The following SBF2 variants were observed in gnomAD, a reference collection of about 807,000 sequenced individuals.
SBF2 encodes the protein myotubularin-related protein 13.
Under a neutral mutation model 225.2 loss-of-function variants are expected in SBF2, and 112 were observed. The observed-to-expected ratio is 0.50, with a 90% CI of 0.43 to 0.58. SBF2 has a LOEUF of 0.58. Among genes scored for constraint, SBF2 ranks in the 20% least tolerant of loss-of-function variants. SBF2 has a pLI of 0.00. For missense variants in SBF2, 1,996 were observed against 2,206.2 expected, an observed-to-expected ratio of 0.90 and a Z score of 1.91; for synonymous variants, 763 against 773.3, an observed-to-expected ratio of 0.99 and a Z score of 0.22.
At chr11:9,937,781 A>C (rs1864987264) in intron 16 of SBF2, among the ~76,000 whole-genome samples, 1 of 152,128 alleles carries the variant, frequency 6.6e-6, no homozygotes, top group East Asian at 1.9e-4. Context: ...GTATTAAATA[A>C]GTATGTAAAA....
chr11:9,959,052 G>A, intron 16 of SBF2: 1 of 1,491,468 alleles, frequency 6.7e-7, no homozygotes, highest in Non-Finnish European at 9.2e-7. Flanking sequence ...TGTTGGTATG[G>A]CAGCCTGCAC....
intron 17 of SBF2, among the ~76,000 whole-genome samples, chr11:9,890,638 A>G (rs537084511): frequency 1.3e-5 from 2 of 152,216 alleles, no homozygotes; most frequent in Non-Finnish European, 2.9e-5. Flanking sequence ...AACACAGGCT[A>G]TAAGGGTACC....
At chr11:10,068,824 A>G (rs747964259) in intron 2 of SBF2, among the ~76,000 whole-genome samples, 1 of 152,166 alleles carries the variant, frequency 6.6e-6, no homozygotes, top group Non-Finnish European at 1.5e-5. Context: ...GAGCTGATGA[A>G]TGAAAATACA....
chr11:10,063,094 G>A (rs1276706922), intron 2 of SBF2, among the ~76,000 whole-genome samples: 1 of 151,972 alleles, frequency 6.6e-6, no homozygotes, highest in Non-Finnish European at 1.5e-5. Flanking sequence ...GGAACAGAAA[G>A]GCAAATACCG....
intron 6 of SBF2, among the ~76,000 whole-genome samples, chr11:10,007,261 T>C (rs573652787): frequency 6.6e-5 from 10 of 152,250 alleles, no homozygotes; most frequent in African/African-American, 1.7e-4. Flanking sequence ...ACGCTTTCTT[T>C]TTTCTTTTTT....
intron 16 of SBF2, chr11:9,958,084 G>T (rs935508564): frequency 1.9e-4 from 29 of 152,086 alleles, no homozygotes; most frequent in African/African-American, 6.5e-4. Context: ...TCCCCTCTCA[G>T]GTCCCTCAAA....
chr11:10,234,253 T>A (rs1958971916), intron 1 of SBF2, among the ~76,000 whole-genome samples: 1 of 152,186 alleles, frequency 6.6e-6, no homozygotes, highest in South Asian at 2.1e-4. Flanking sequence ...CTCATTTTGA[T>A]CTTGTAAATG....
intron 13 of SBF2, among the ~76,000 whole-genome samples, chr11:9,986,383 C>G (rs1269492275): frequency 6.6e-6 from 1 of 151,798 alleles, no homozygotes; most frequent in African/African-American, 2.4e-5. Flanking sequence ...ACTAGAGAAA[C>G]AAGAACAAAC....
intron 2 of SBF2, among the ~76,000 whole-genome samples, chr11:10,051,953 A>C (rs1565175501): frequency 1.3e-5 from 2 of 152,114 alleles, no homozygotes; most frequent in Admixed American, 6.5e-5. Flanking sequence ...CTTAACTAAA[A>C]ATGTGTTAGA....
At chr11:10,118,401 C>G (rs763771043) in intron 2 of SBF2, among the ~76,000 whole-genome samples, 2 of 152,108 alleles carry the variant, frequency 1.3e-5, no homozygotes, top group African/African-American at 2.4e-5. Context: ...ATATGTAAGT[C>G]TGGGTCAAAT....
At chr11:10,117,773 GT>G (rs1362085813) in intron 2 of SBF2, among the ~76,000 whole-genome samples, 106 of 143,882 alleles carry the variant, frequency 7.4e-4, no homozygotes, top group African/African-American at 2.0e-3. Flanking sequence ...ATGTTGTTGG[GT>G]TTTTTTTTTT....
intron 2 of SBF2, among the ~76,000 whole-genome samples, chr11:10,172,415 C>T (rs1956236114): frequency 6.6e-6 from 1 of 152,058 alleles, no homozygotes; most frequent in African/African-American, 2.4e-5. Flanking sequence ...CACAATGGCG[C>T]ATCTCAGCTC....
At chr11:9,914,870 G>GT (rs1007166321) in intron 16 of SBF2, among the ~76,000 whole-genome samples, 1 of 130,188 alleles carries the variant, frequency 7.7e-6, no homozygotes, top group Non-Finnish European at 1.6e-5. Flanking sequence ...TTCACCAACT[G>GT]TAACAAATAT....
intron 2 of SBF2, among the ~76,000 whole-genome samples, chr11:10,072,507 A>G (rs1041086415): frequency 3.3e-4 from 50 of 152,152 alleles, no homozygotes; most frequent in African/African-American, 1.1e-3. Context: ...ACAAATAGTA[A>G]TAATTCTTTG....
chr11:10,182,680 AG>A (rs1693427551), intron 2 of SBF2, among the ~76,000 whole-genome samples: 1 of 152,116 alleles, frequency 6.6e-6, no homozygotes, highest in South Asian at 2.1e-4. Flanking sequence ...CAGCCTCCCA[AG>A]TATGTGGAAC....
At position 9,845,578 on chromosome 11, in the gene SBF2, T is replaced by A; in HGVS notation, c.3097A>T (p.Asn1033Tyr). 6.2e-7 allele frequency: 1 copy of A among 1,613,792 alleles called. No homozygotes were observed. The highest frequency in any genetic ancestry group is 8.5e-7 in the Non-Finnish European group (1 of 1,179,684). ...QIILPKQKEK[N>Y]TSFRTFSKTI... ...CTTTCTTCTTACCGAAAAGAAGTGTTCTTTTCCTTCTGTTTTGGTAAAATT... is the reference window on the plus strand; with the variant it reads ...CTTTCTTCTTACCGAAAAGAAGTGTACTTTTCCTTCTGTTTTGGTAAAATT... Residue 1033 changes from asparagine (N) to tyrosine (Y), a missense_variant, in exon 24 of 40, where the codon AAC becomes TAC. Transcript: ENST00000256190.
rs1442664125 is a variant in SBF2 at position 9,937,916 on chromosome 11, T to G, written c.1860+24041A>C. Among the ~76,000 whole-genome samples, 3 of 152,146 alleles carry G rather than the reference T, an allele frequency of 2.0e-5. No individual in the cohort carries two copies. The South Asian group carries it at 6.2e-4, about 32-fold the overall frequency. On this transcript the variant is annotated intron_variant, in intron 16 of 39. Coordinates refer to ENST00000256190, the MANE Select transcript of SBF2 (RefSeq NM_030962.4). ...TACATCTAATAAACCAAAAAACTTGTAAGAAAACCTTAAAAGCTACTGAAA... is the reference window on the plus strand; with the variant it reads ...TACATCTAATAAACCAAAAAACTTGGAAGAAAACCTTAAAAGCTACTGAAA...
chr11:9,858,929 C>T (rs1004995197), intron 17 of SBF2, among the ~76,000 whole-genome samples: 17 of 152,260 alleles, frequency 1.1e-4, no homozygotes, highest in African/African-American at 2.2e-4. Context: ...ATTACCTCCC[C>T]GCCAAAGCTG....
intron 2 of SBF2, among the ~76,000 whole-genome samples, chr11:10,070,341 T>C (rs1192822240): frequency 4.6e-5 from 7 of 152,244 alleles, no homozygotes; most frequent in Non-Finnish European, 7.3e-5. Flanking sequence ...TGTTATAAGA[T>C]GTAAGGAAGG....
Sources: gnomAD v4.1 joint callset for allele counts (sites outside exome capture counted in the v4.1 genomes callset) on GRCh38, gnomAD v4.1.1 for gene constraint, MANE v1.5 for transcripts, NCBI Gene and HGNC (gene_info 2026-07-23, HGNC 2026-07-21) for gene names.